DCLK2: variants seen among roughly 807,000 people sequenced by gnomAD.
The protein encoded by DCLK2 is doublecortin like kinase 2.
A neutral mutation model predicts 78.4 loss-of-function variants in DCLK2; 31 were observed. The ratio of observed to expected loss-of-function variants is 0.40; its 90% CI spans 0.30 to 0.53. The LOEUF is 0.53. Ranked by LOEUF, DCLK2 falls within the 20% of genes least tolerant of loss-of-function variation. The probability of loss-of-function intolerance (pLI) is 0.61; values close to 1 mark genes in which losing one functional copy is unlikely to be tolerated. For missense variants in DCLK2, 872 were observed against 973.7 expected, an observed-to-expected ratio of 0.90 and a Z score of 1.39; for synonymous variants, 407 against 374.9, an observed-to-expected ratio of 1.09 and a Z score of -0.99.
chr4:150,245,273 G>A (rs1417720090), intron 12 of DCLK2, among the ~76,000 whole-genome samples: 1 of 152,182 alleles, frequency 6.6e-6, no homozygotes, highest in African/African-American at 2.4e-5. Flanking sequence ...TCTTTCTCTT[G>A]CCTGGCCCAG....
intron 2 of DCLK2, among the ~76,000 whole-genome samples, chr4:150,165,387 C>G (rs2150249859): frequency 6.6e-6 from 1 of 151,864 alleles, no homozygotes; most frequent in East Asian, 1.9e-4. Flanking sequence ...TTGGGTTGCC[C>G]AGGGTTGAGT....
In DCLK2 at chr4:150,089,638, A is replaced by T. The variant is rs539196102; in HGVS notation, c.421+10190A>T. Among the ~76,000 whole-genome samples the T allele has an allele frequency of 9.8e-5, 15 of 152,362 alleles. No homozygotes were observed. The South Asian group carries it at 2.1e-3, about 21-fold the overall frequency. On this transcript the variant is annotated intron_variant, in intron 1 of 15. Coordinates refer to ENST00000296550, the MANE Select transcript of DCLK2 (RefSeq NM_001040260.4). Reference sequence around the variant, plus strand: ...TTGCCTTAATTACTTCAATTACATTAGTTACATTGTCACTTAAATGTTTGT... The same window carrying T: ...TTGCCTTAATTACTTCAATTACATTTGTTACATTGTCACTTAAATGTTTGT...
At chr4:150,128,796 T>C (rs12711270) in intron 2 of DCLK2, among the ~76,000 whole-genome samples, 58,281 of 151,926 alleles carry the variant, frequency 0.38, 11,401 homozygotes, top group East Asian at 0.44. Flanking sequence ...CTTAAGTCCA[T>C]GGACAGAGAG....
At chr4:150,139,521 A>G (rs1312473239) in intron 2 of DCLK2, among the ~76,000 whole-genome samples, 3 of 152,236 alleles carry the variant, frequency 2.0e-5, no homozygotes, top group Non-Finnish European at 4.4e-5. Flanking sequence ...ACAGGAGCAC[A>G]GTTAATTAAT....
chr4:150,220,987 A>G (rs1195457637), intron 6 of DCLK2, among the ~76,000 whole-genome samples: 2 of 152,232 alleles, frequency 1.3e-5, no homozygotes, highest in African/African-American at 2.4e-5. Flanking sequence ...AGGTTATTGA[A>G]GCTTCAGATT....
At chr4:150,127,672 T>G (rs1314768614) in intron 2 of DCLK2, among the ~76,000 whole-genome samples, 1 of 152,226 alleles carries the variant, frequency 6.6e-6, no homozygotes, top group African/African-American at 2.4e-5. Context: ...CTTCTCAGGT[T>G]TCTTCTAATG....
intron 2 of DCLK2, among the ~76,000 whole-genome samples, chr4:150,145,877 G>C (rs1446661017): frequency 6.6e-6 from 1 of 152,094 alleles, no homozygotes; most frequent in Non-Finnish European, 1.5e-5. Context: ...CAAAAATGTA[G>C]AGTATCAAAG....
intron 3 of DCLK2, among the ~76,000 whole-genome samples, chr4:150,196,515 C>G (rs1284519540): frequency 6.6e-6 from 1 of 152,154 alleles, no homozygotes; most frequent in Non-Finnish European, 1.5e-5. Flanking sequence ...TTTACTGCCC[C>G]TGGGGTATAG....
intron 2 of DCLK2, among the ~76,000 whole-genome samples, chr4:150,108,700 C>T (rs1340051845): frequency 6.6e-6 from 1 of 151,450 alleles, no homozygotes; most frequent in African/African-American, 2.4e-5. Context: ...TTTTTAATGC[C>T]TGTATTCTGT....
intron 2 of DCLK2, among the ~76,000 whole-genome samples, chr4:150,136,740 C>G (rs1175538141): frequency 6.6e-6 from 1 of 152,112 alleles, no homozygotes; most frequent in African/African-American, 2.4e-5. Flanking sequence ...AGCTTCAAAC[C>G]AAGTCTCCAA....
At chr4:150,175,697 T>A (rs904862259) in intron 2 of DCLK2, 1 of 152,122 alleles carries the variant, frequency 6.6e-6, no homozygotes, top group Admixed American at 6.5e-5. Flanking sequence ...TGAAAAATGA[T>A]CATGTAATGA....
chr4:150,092,047 G>A (rs1311125724), intron 1 of DCLK2, among the ~76,000 whole-genome samples: 1 of 152,034 alleles, frequency 6.6e-6, no homozygotes, highest in African/African-American at 2.4e-5. Context: ...ACCTATGTAA[G>A]TGAAGCCATG....
At chr4:150,140,347 A>G (rs1734029663) in intron 2 of DCLK2, among the ~76,000 whole-genome samples, 1 of 143,626 alleles carries the variant, frequency 7.0e-6, no homozygotes, top group Non-Finnish European at 1.5e-5. Flanking sequence ...GGAAATAAGT[A>G]TGTAATAGGC....
intron 2 of DCLK2, among the ~76,000 whole-genome samples, chr4:150,138,946 G>A (rs762221883): frequency 6.6e-6 from 1 of 151,892 alleles, no homozygotes; most frequent in Non-Finnish European, 1.5e-5. Flanking sequence ...TTACAGGTGT[G>A]AGCCACGGCG....
intron 4 of DCLK2, among the ~76,000 whole-genome samples, chr4:150,202,335 A>G (rs995688191): frequency 2.6e-5 from 4 of 152,212 alleles, no homozygotes; most frequent in African/African-American, 7.2e-5. Context: ...ACCCACATGT[A>G]TTTGTTAATA....
At chr4:150,245,063 C>A (rs776621948) in intron 12 of DCLK2, among the ~76,000 whole-genome samples, 5 of 151,772 alleles carry the variant, frequency 3.3e-5, no homozygotes, top group Non-Finnish European at 7.4e-5. Flanking sequence ...TTTCTAACAT[C>A]ATATGTTGGA....
chr4:150,083,681 A>G (rs1457244890), intron 1 of DCLK2, among the ~76,000 whole-genome samples: 2 of 152,228 alleles, frequency 1.3e-5, no homozygotes, highest in African/African-American at 4.8e-5. Flanking sequence ...CTCATGAGTT[A>G]CAAGGTATTT....
At chr4:150,220,107 G>T (rs545341626) in intron 5 of DCLK2, among the ~76,000 whole-genome samples, 148 of 152,198 alleles carry the variant, frequency 9.7e-4, no homozygotes, top group African/African-American at 3.4e-3. Flanking sequence ...AATAGAGAAT[G>T]GTATGATTTT....
intron 2 of DCLK2, among the ~76,000 whole-genome samples, chr4:150,149,489 A>C (rs1734738445): frequency 6.6e-6 from 1 of 152,182 alleles, no homozygotes; most frequent in African/African-American, 2.4e-5. Context: ...GATGTTTCAC[A>C]GAGGGAATAG....
Sources: allele counts gnomAD v4.1 joint callset (sites outside exome capture counted in the v4.1 genomes callset), GRCh38; gene constraint gnomAD v4.1.1; transcripts MANE v1.5; gene names NCBI Gene and HGNC (gene_info 2026-07-23, HGNC 2026-07-21).